The following DNAH12 variants were observed in gnomAD, a reference collection of about 807,000 sequenced individuals.
The protein encoded by DNAH12 is dynein axonemal heavy chain 12.
DNAH12 carries 285 observed loss-of-function variants against 371.5 expected under a neutral mutation model. The ratio of observed to expected loss-of-function variants is 0.77; its 90% CI spans 0.70 to 0.85. DNAH12 has a LOEUF of 0.85. DNAH12 is among the 40% of genes least tolerant of loss of function. The probability of loss-of-function intolerance (pLI) is 0.00; values close to 1 mark genes in which losing one functional copy is unlikely to be tolerated. For synonymous variants in DNAH12, 1,200 were observed against 1,213.0 expected (o/e 0.99, Z 0.22); for missense variants, 3,611 against 3,689.4 (o/e 0.98, Z 0.55).
intron 60 of DNAH12, among the ~76,000 whole-genome samples, chr3:57,348,820 C>T (rs1054231405): frequency 2.0e-5 from 3 of 152,262 alleles, no homozygotes; most frequent in Admixed American, 2.0e-4. Flanking sequence ...CAATGCACTC[C>T]TCATCAAAAC....
At chr3:57,523,454 A>G in intron 4 of DNAH12, 129 bp downstream of exon 4, 1 of 733,934 alleles carries the variant, frequency 1.4e-6, no homozygotes, top group South Asian at 2.2e-5. Flanking sequence ...GGGAAGAGAA[A>G]ATAAAAACCT....
At chr3:57,376,702 G>A (rs1389227624) in intron 53 of DNAH12, among the ~76,000 whole-genome samples, 11 of 152,102 alleles carry the variant, frequency 7.2e-5, no homozygotes, top group Admixed American at 5.9e-4. Context: ...AAATTGGAAA[G>A]AACTGTACAA....
intron 22 of DNAH12, among the ~76,000 whole-genome samples, chr3:57,455,414 A>T (rs986753199): frequency 1.9e-4 from 29 of 151,972 alleles, no homozygotes; most frequent in South Asian, 4.1e-4. Flanking sequence ...AAAATAAAAA[A>T]AAAAAAATAG....
chr3:57,493,095 T>C (rs1004746689), intron 11 of DNAH12, among the ~76,000 whole-genome samples: 1 of 152,200 alleles, frequency 6.6e-6, no homozygotes, highest in Admixed American at 6.5e-5. Context: ...CTACAGGTTA[T>C]ACCCAGACCA....
chr3:57,485,460 G>C (rs1262608300), intron 12 of DNAH12, among the ~76,000 whole-genome samples: 1 of 151,232 alleles, frequency 6.6e-6, no homozygotes, highest in Non-Finnish European at 1.5e-5. Flanking sequence ...CCAGGCTAGA[G>C]TGTAGTGGTG....
In DNAH12 at chr3:57,458,164, T is replaced by G; in HGVS notation, c.2988A>C (p.Glu996Asp). The G allele has an allele frequency of 4.5e-6, 7 of 1,550,022 alleles. No homozygotes were observed. The highest frequency in any genetic ancestry group is 5.2e-6 in the Non-Finnish European group (6 of 1,146,604). Reference protein sequence around the residue: ...GLLEKLQNCNELLEKIMKGLN... With the variant: ...GLLEKLQNCNDLLEKIMKGLN... The stretch of plus-strand genomic sequence containing the variant: ...GACCTTTCATAATTTTCTCCAAAAG[T>G]TCATTGCAGTTCTGTAGTTTTTCCA... Residue 996 changes from glutamate (E) to aspartate (D), a missense_variant, in exon 21 of 74, where the codon GAA (glutamate) becomes GAC (aspartate). By Grantham distance (45) the Glu-to-Asp change is conservative. Coordinates refer to ENST00000495027, the MANE Select transcript of DNAH12 (RefSeq NM_001366028.2).
intron 35 of DNAH12, among the ~76,000 whole-genome samples, chr3:57,422,385 G>A (rs899824386): frequency 5.9e-5 from 9 of 151,976 alleles, no homozygotes; most frequent in East Asian, 1.9e-4. Flanking sequence ...CCACCACCAC[G>A]GGGTTTCACC....
chr3:57,549,345 G>A, the DNAH12 span, among the ~76,000 whole-genome samples: 1 of 151,872 alleles, frequency 6.6e-6, no homozygotes, highest in Non-Finnish European at 1.5e-5. Context: ...GTGAAACCCC[G>A]TCTCTACCAA....
chr3:57,316,417 A>T (rs540163531), intron 65 of DNAH12, among the ~76,000 whole-genome samples: 268 of 152,272 alleles, frequency 1.8e-3, no homozygotes, highest in African/African-American at 6.3e-3. Flanking sequence ...AGTTGTGCAT[A>T]TTAAACATAC....
chr3:57,307,240 CT>C (rs2061491626), intron 69 of DNAH12, among the ~76,000 whole-genome samples: 1 of 152,062 alleles, frequency 6.6e-6, no homozygotes, highest in Non-Finnish European at 1.5e-5. Flanking sequence ...CTTTAGATAC[CT>C]GGTTTTGCCA....
intron 66 of DNAH12, among the ~76,000 whole-genome samples, chr3:57,312,562 G>A (rs2061603396): frequency 6.6e-6 from 1 of 152,160 alleles, no homozygotes; most frequent in Non-Finnish European, 1.5e-5. Context: ...TCCAGTTTCT[G>A]AAGAAATGAA....
At position 57,472,633 on chromosome 3, in the gene DNAH12, G is replaced by C; in HGVS notation, c.1689C>G (p.Phe563Leu). The C allele has an allele frequency of 3.2e-6, 5 of 1,550,912 alleles. No homozygotes were observed. Among genetic ancestry groups the C allele is most frequent in the Non-Finnish European group, 4.4e-6 (5 of 1,146,702 alleles). Reference sequence around the variant, plus strand: ...AAGCTAAGTCTTCTTGAGGAAATAGGAAAACATCTAAAAAGTAACTCATTT... The same window carrying C: ...AAGCTAAGTCTTCTTGAGGAAATAGCAAAACATCTAAAAAGTAACTCATTT... ...KRQMSYFLDV[F>L]LFPQEDLALN... is the part of the protein sequence containing the mutation. The change falls in exon 14 of 74, where the codon TTC becomes TTG. Residue 563 changes from phenylalanine (F) to leucine (L), a missense_variant. Around this residue, in one of 3 missense-constraint regions of DNAH12, gnomAD observed 1,314 missense variants for 1,398.7 expected, o/e 0.94. Transcript: ENST00000495027.
intron 58 of DNAH12, among the ~76,000 whole-genome samples, chr3:57,360,367 A>G (rs1215719497): frequency 6.6e-6 from 1 of 152,040 alleles, no homozygotes; most frequent in African/African-American, 2.4e-5. Context: ...AATCTATCCA[A>G]AAGGGAAGGG....
At chr3:57,453,448 C>G (rs1197587544) in intron 23 of DNAH12, 45 bp from the exon 24 acceptor site, 1 of 1,418,826 alleles carries the variant, frequency 7.0e-7, no homozygotes, top group Non-Finnish European at 9.4e-7. Context: ...TCACATCATA[C>G]TTAAAACATG....
At chr3:57,491,942 G>T (rs554131955) in intron 11 of DNAH12, among the ~76,000 whole-genome samples, 1 of 152,118 alleles carries the variant, frequency 6.6e-6, no homozygotes, top group African/African-American at 2.4e-5. Flanking sequence ...GAAGGCAGAG[G>T]CTGCGTTGAG....
rs10510794 is a variant in DNAH12 at position 57,508,438 on chromosome 3, C to G, written c.645G>C (p.Leu215=). Residue 215 remains leucine (L), a synonymous_variant, in exon 7 of 74, where the codon CTG becomes CTC. Transcript: ENST00000495027. ...CAGCAAATGTTGTATAACCAAGGTC[C>G]AGTAACATTTTCATAGTTGGATGAA... ...HIIHPTMKML[L]DLGYTTFADT... 53,405 of 1,612,352 alleles carry G rather than the reference C, an allele frequency of 0.033. 1,268 individuals carry two copies. The highest frequency in any genetic ancestry group is 0.11 in the African/African-American group (8,343 of 74,864).
chr3:57,384,462 C>A (rs2153344677), intron 49 of DNAH12, among the ~76,000 whole-genome samples: 1 of 152,040 alleles, frequency 6.6e-6, no homozygotes, highest in Non-Finnish European at 1.5e-5. Flanking sequence ...CATAGGGTGA[C>A]CCTGTCTCTA....
chr3:57,376,173 TTATTAGAA>T (rs1329848573), intron 53 of DNAH12, among the ~76,000 whole-genome samples: 1 of 151,966 alleles, frequency 6.6e-6, no homozygotes, highest in African/African-American at 2.4e-5. Context: ...CTTCCTTTCA[TTATTAGAA>T]TATTAGACAT....
intron 25 of DNAH12, 44 bp from the exon 26 acceptor site, chr3:57,446,733 T>TA: frequency 2.8e-6 from 4 of 1,408,694 alleles, no homozygotes; most frequent in Non-Finnish European, 3.7e-6. Context: ...TGCTTAAATT[T>TA]AAAAAAACAA....
Sources: allele counts gnomAD v4.1 joint callset (sites outside exome capture counted in the v4.1 genomes callset), GRCh38; gene constraint gnomAD v4.1.1; regional missense constraint gnomAD v4.1.1; transcripts MANE v1.5; gene names NCBI Gene and HGNC (gene_info 2026-07-23, HGNC 2026-07-21).